Variants in RGPD2 observed in about 807,000 individuals in gnomAD.
RGPD2 encodes RANBP2-like and GRIP domain-containing protein 2.
RGPD2 carries 2 observed loss-of-function variants against 36.0 expected under a neutral mutation model. That is an observed-to-expected ratio of 0.06 (90% CI 0.02 to 0.17). RGPD2 has a LOEUF of 0.17. Among genes scored for constraint, RGPD2 ranks in the 10% least tolerant of loss-of-function variants. RGPD2 has a pLI of 1.00. For missense variants in RGPD2, 40 were observed against 464.3 expected (o/e 0.09, Z 8.40); for synonymous variants, 19 against 163.8 (o/e 0.12, Z 6.75).
the RGPD2 span, among the ~76,000 whole-genome samples, chr2:87,913,424 G>A: frequency 4.6e-5 from 7 of 151,774 alleles, no homozygotes; most frequent in African/African-American, 1.5e-4. Flanking sequence ...GGATAGCATT[G>A]GGAGATATAC....
the RGPD2 span, among the ~76,000 whole-genome samples, chr2:87,958,273 T>C: frequency 1.2e-4 from 18 of 152,242 alleles, no homozygotes; most frequent in East Asian, 3.5e-3. Flanking sequence ...GAGTAGATAT[T>C]CATCAATCTC....
chr2:87,915,318 ATATTATATATAT>A, the RGPD2 span, among the ~76,000 whole-genome samples: 1 of 120,202 alleles, frequency 8.3e-6, no homozygotes, highest in African/African-American at 3.5e-5. Flanking sequence ...ATATATATGT[ATATTATATATAT>A]TGTATATATA....
At chr2:87,853,317 C>T in the RGPD2 span, among the ~76,000 whole-genome samples, 9,182 of 121,004 alleles carry the variant, frequency 0.076, no homozygotes, top group Non-Finnish European at 0.1. Context: ...GGAACTCTCA[C>T]GCTCAACTGT....
At chr2:87,924,526 TAGG>T in the RGPD2 span, among the ~76,000 whole-genome samples, 1 of 152,256 alleles carries the variant, frequency 6.6e-6, no homozygotes, top group African/African-American at 2.4e-5. Flanking sequence ...ACTTTTTTTC[TAGG>T]AGAAGATTGC....
the RGPD2 span, among the ~76,000 whole-genome samples, chr2:87,985,183 A>G: frequency 6.9e-6 from 1 of 144,932 alleles, no homozygotes; most frequent in Non-Finnish European, 1.5e-5. Flanking sequence ...GGTGAGAGGT[A>G]AGGCCTTATA....
the RGPD2 span, among the ~76,000 whole-genome samples, chr2:87,883,112 CA>C: frequency 6.6e-6 from 1 of 152,050 alleles, no homozygotes; most frequent in African/African-American, 2.4e-5. Flanking sequence ...AAAAACAAAG[CA>C]ACAATAATTT....
At chr2:87,985,956 T>A in the RGPD2 span, 3 of 1,384,888 alleles carry the variant, frequency 2.2e-6, no homozygotes, top group Non-Finnish European at 3.0e-6. Flanking sequence ...TTACTCTGCA[T>A]GCATTTCTTT....
chr2:87,878,145 A>G, the RGPD2 span, among the ~76,000 whole-genome samples: 12 of 152,210 alleles, frequency 7.9e-5, no homozygotes, highest in South Asian at 4.1e-4. Context: ...TATTCTCCCT[A>G]TCTCTTTCAG....
At chr2:87,961,762 G>C in the RGPD2 span, among the ~76,000 whole-genome samples, 1 of 147,966 alleles carries the variant, frequency 6.8e-6, no homozygotes, top group Non-Finnish European at 1.5e-5. Flanking sequence ...AACACTTAGA[G>C]GAAAAGTCAG....
the RGPD2 span, among the ~76,000 whole-genome samples, chr2:87,922,924 T>C: frequency 6.6e-6 from 1 of 152,166 alleles, no homozygotes; most frequent in African/African-American, 2.4e-5. Context: ...TATGCTGTTG[T>C]TTCTTTTTAT....
chr2:87,911,440 T>G, the RGPD2 span, among the ~76,000 whole-genome samples: 2 of 151,382 alleles, frequency 1.3e-5, no homozygotes, highest in Admixed American at 6.6e-5. Context: ...TTCTTTTTTG[T>G]TAACATTTAA....
At chr2:87,834,473 T>C in the RGPD2 span, among the ~76,000 whole-genome samples, 1 of 152,112 alleles carries the variant, frequency 6.6e-6, no homozygotes, top group Non-Finnish European at 1.5e-5. Context: ...ACAGAAAATC[T>C]ACTAGTGCTA....
chr2:87,877,537 C>T, the RGPD2 span, among the ~76,000 whole-genome samples: 1 of 152,142 alleles, frequency 6.6e-6, no homozygotes, highest in Non-Finnish European at 1.5e-5. Context: ...GGCGCAGTGG[C>T]TCACACCTGT....
At chr2:87,824,533 C>T in intron 1 of RGPD2, among the ~76,000 whole-genome samples, 1 of 151,902 alleles carries the variant, frequency 6.6e-6, no homozygotes, top group Non-Finnish European at 1.5e-5. Context: ...TACCTTCTAT[C>T]CAAAGCACCC....
the RGPD2 span, among the ~76,000 whole-genome samples, chr2:87,988,516 TACATATAA>T: frequency 6.9e-5 from 3 of 43,358 alleles, no homozygotes; most frequent in Non-Finnish European, 1.2e-4. Flanking sequence ...TCCATATATA[TACATATAA>T]ATATATATAT....
the RGPD2 span, among the ~76,000 whole-genome samples, chr2:87,843,942 C>G: frequency 3.3e-5 from 5 of 152,072 alleles, no homozygotes; most frequent in African/African-American, 9.7e-5. Flanking sequence ...AATCATCATT[C>G]TCAGTAAACT....
At chr2:87,772,739 G>A (rs1182275655) in intron 21 of RGPD2, among the ~76,000 whole-genome samples, 1 of 133,368 alleles carries the variant, frequency 7.5e-6, no homozygotes, top group East Asian at 2.4e-4. Context: ...AATACAAGAG[G>A]AGAAAAAGTA....
At chr2:87,841,446 C>T in the RGPD2 span, among the ~76,000 whole-genome samples, 5 of 152,106 alleles carry the variant, frequency 3.3e-5, no homozygotes, top group East Asian at 7.7e-4. Context: ...AACCTAACAC[C>T]ACAGTCTCAT....
chr2:87,905,407 G>A, the RGPD2 span, among the ~76,000 whole-genome samples: 2,305 of 149,746 alleles, frequency 0.015, no homozygotes, highest in African/African-American at 0.056. Flanking sequence ...TATTAAATCC[G>A]AAGTGTCAGG....
Sources: allele counts gnomAD v4.1 joint callset (sites outside exome capture counted in the v4.1 genomes callset), GRCh38; gene constraint gnomAD v4.1.1; transcripts MANE v1.5; gene names NCBI Gene and HGNC (gene_info 2026-07-23, HGNC 2026-07-21).